Variants in RBBP6 observed in about 807,000 individuals in gnomAD.
RBBP6 encodes RB binding protein 6, ubiquitin ligase.
A neutral mutation model predicts 167.7 loss-of-function variants in RBBP6; 25 were observed. That is an observed-to-expected ratio of 0.15 (90% CI 0.11 to 0.21). The LOEUF is 0.21. Among genes scored for constraint, RBBP6 ranks in the 10% least tolerant of loss-of-function variants. RBBP6 has a pLI of 1.00. For synonymous variants in RBBP6, 789 were observed against 735.8 expected, an observed-to-expected ratio of 1.07 and a Z score of -1.17; for missense variants, 1,868 against 2,134.2, an observed-to-expected ratio of 0.88 and a Z score of 2.46.
chr16:24,546,896 G>T (rs1038413931), intron 2 of RBBP6, among the ~76,000 whole-genome samples: 2 of 152,196 alleles, frequency 1.3e-5, no homozygotes, highest in Non-Finnish European at 2.9e-5. Context: ...TCTGGCACAT[G>T]CTAAATGCAC....
chr16:24,565,640 C>T (rs1899177881), intron 14 of RBBP6, among the ~76,000 whole-genome samples: 1 of 152,098 alleles, frequency 6.6e-6, no homozygotes, highest in Non-Finnish European at 1.5e-5. Context: ...TAAGGTGGAA[C>T]AGTTTTTACC....
chr16:24,569,947 G>A lies in RBBP6; in HGVS notation c.3257G>A (p.Gly1086Glu). ...TCTCAGAAGGATGAAAAAATCACTG[G>A]AACCCCCAGAAAAGCTCACTCTAAA... Reference protein sequence around the residue: ...SSSQKDEKITGTPRKAHSKSA... With the variant: ...SSSQKDEKITETPRKAHSKSA... The change falls in exon 17 of 18, where the codon GGA (glycine) becomes GAA (glutamate). Residue 1086 changes from glycine (G) to glutamate (E), a missense_variant. Coordinates refer to ENST00000319715, the MANE Select transcript of RBBP6 (RefSeq NM_006910.5). The A allele has an allele frequency of 6.2e-7, 1 of 1,601,852 alleles. No individual in the cohort carries two copies. Among genetic ancestry groups the A allele is most frequent in the South Asian group, 1.1e-5 (1 of 88,042 alleles).
chr16:24,539,781 C>G lies in RBBP6; in HGVS notation c.-846C>G, dbSNP rs930169946. ...AAAGGCGAGCGAAGCGCGGAGGATC[C>G]GGCGAGAAGAAGCGTCAGGGAGCCT... On this transcript the variant is annotated 5_prime_UTR_variant, in exon 1 of 18. Coordinates refer to ENST00000319715, the MANE Select transcript of RBBP6 (RefSeq NM_006910.5). 6.6e-6 allele frequency: 1 copy of G among 152,242 alleles called. No individual in the cohort carries two copies. The highest frequency in any genetic ancestry group is 1.5e-5 in the Non-Finnish European group (1 of 68,060). 9.4% of individuals were successfully genotyped at this position (152,242 alleles called of 1,614,324 possible). A position where few individuals can be genotyped will look rare whatever the true frequency, so the allele number is the denominator to read the frequency against.
In RBBP6 at chr16:24,571,249, T is replaced by C. The variant is rs772157873; in HGVS notation, c.4183T>C (p.Ser1395Pro). Reference sequence around the variant, plus strand: ...ACATGAGGTTAAAAGTTCAAAAAACTCTGCATCTAGTGAAAAAGGGAAAAC... The same window carrying C: ...ACATGAGGTTAAAAGTTCAAAAAACCCTGCATCTAGTGAAAAAGGGAAAAC... ...IQHEVKSSKN[S>P]ASSEKGKTKD... is the part of the protein sequence containing the mutation. Residue 1395 changes from serine to proline, a missense_variant, in exon 18 of 18, where the codon TCT becomes CCT. Ser to Pro is a moderately conservative substitution (Grantham distance 74). Coordinates refer to ENST00000319715, the MANE Select transcript of RBBP6 (RefSeq NM_006910.5). 7 of 1,612,360 alleles carry C rather than the reference T, an allele frequency of 4.3e-6. No individual in the cohort carries two copies. Among genetic ancestry groups the C allele is most frequent in the Non-Finnish European group, 5.9e-6 (7 of 1,179,666 alleles).
chr16:24,563,668 A>C lies in RBBP6; in HGVS notation c.1520+4A>C. 6.2e-7 allele frequency: 1 copy of C among 1,609,856 alleles called. No homozygotes were observed. The highest frequency in any genetic ancestry group is 1.7e-4 in the Middle Eastern group (1 of 6,060). On this transcript the variant is annotated splice_donor_region_variant and intron_variant, in intron 13 of 17. Coordinates refer to ENST00000319715, the MANE Select transcript of RBBP6 (RefSeq NM_006910.5). Reference sequence around the variant, plus strand: ...GTGGTCGACCAGGCTGGGAACAGTGAGTAGATGTTTACAATAATCTTCAGA... The same window carrying C: ...GTGGTCGACCAGGCTGGGAACAGTGCGTAGATGTTTACAATAATCTTCAGA...
At chr16:24,570,538 GA>G in intron 17 of RBBP6, 39 bp downstream of exon 17, 1 of 1,483,892 alleles carries the variant, frequency 6.7e-7, no homozygotes, top group Non-Finnish European at 9.0e-7. Context: ...ACTTTGTTGG[GA>G]GAAGGATTTT....
intron 7 of RBBP6, among the ~76,000 whole-genome samples, chr16:24,559,156 G>T (rs72785713): frequency 6.6e-6 from 1 of 151,746 alleles, no homozygotes; most frequent in Non-Finnish European, 1.5e-5. Context: ...TGTGATTATG[G>T]TGTTGTCTAA....
At chr16:24,565,537 A>G (rs1256848403) in intron 14 of RBBP6, among the ~76,000 whole-genome samples, 1 of 152,214 alleles carries the variant, frequency 6.6e-6, no homozygotes, top group Non-Finnish European at 1.5e-5. Flanking sequence ...CAGTGGCATT[A>G]AGATTCTCAT....
intron 10 of RBBP6, 57 bp from the exon 11 acceptor site, chr16:24,563,142 C>T (rs1304023641): frequency 3.6e-6 from 5 of 1,406,072 alleles, no homozygotes; most frequent in South Asian, 1.3e-5. Context: ...AACTTTTTTA[C>T]TCTTAATTGT....
In RBBP6 at chr16:24,551,280, G is replaced by GT. The variant is rs1898789246; in HGVS notation, c.304-2232dup. Among the ~76,000 whole-genome samples the GT allele has an allele frequency of 3.9e-5, 6 of 151,954 alleles. No individual in the cohort carries two copies. In the South Asian group the frequency reaches 1.2e-3, roughly 31 times the overall value. On this transcript the variant is annotated intron_variant, in intron 3 of 17. Coordinates refer to ENST00000319715, the MANE Select transcript of RBBP6 (RefSeq NM_006910.5). The stretch of plus-strand genomic sequence containing the variant: ...TCTACGGTCTGCATCAGTCCGTTTT[G>GT]TGAGGACTTTAAGTGGCAGACTTTT...
intron 1 of RBBP6, among the ~76,000 whole-genome samples, chr16:24,545,378 C>A (rs1431342779): frequency 1.3e-5 from 2 of 152,138 alleles, no homozygotes; most frequent in South Asian, 2.1e-4. Context: ...GGCCAGTAGT[C>A]TTTTTTTCTT....
chr16:24,567,568 G>C, intron 15 of RBBP6, 63 bp downstream of exon 15: 1 of 1,501,114 alleles, frequency 6.7e-7, no homozygotes, highest in Middle Eastern at 1.8e-4. Context: ...ACATTAAATA[G>C]GTGTCTGGAA....
intron 1 of RBBP6, among the ~76,000 whole-genome samples, chr16:24,545,611 T>C (rs1020084486): frequency 2.0e-5 from 3 of 152,200 alleles, no homozygotes; most frequent in Non-Finnish European, 4.4e-5. Flanking sequence ...GGCTGGGTTC[T>C]CAGTCTTTAA....
intron 14 of RBBP6, among the ~76,000 whole-genome samples, chr16:24,565,458 C>A (rs926088893): frequency 8.5e-5 from 13 of 152,192 alleles, no homozygotes; most frequent in African/African-American, 3.1e-4. Context: ...AGGAACTGGG[C>A]AACACAGCAG....
Position 24,572,145 on chromosome 16 carries a change from C to A in RBBP6, c.5079C>A (p.His1693Gln), listed in dbSNP as rs747403665. The change falls in exon 18 of 18, where the codon CAC becomes CAA. Residue 1693 changes from histidine (H) to glutamine (Q), a missense_variant. Physicochemically the swap from His to Gln is conservative, Grantham distance 24. Coordinates refer to ENST00000319715, the MANE Select transcript of RBBP6 (RefSeq NM_006910.5). Reference protein sequence around the residue: ...VQVGISRNQSHSSPSVSPSRS... With the variant: ...VQVGISRNQSQSSPSVSPSRS... ...TGGGCATAAGCAGGAATCAGAGCCACAGCAGCCCCAGCGTCAGCCCCAGCA... is the reference window on the plus strand; with the variant it reads ...TGGGCATAAGCAGGAATCAGAGCCAAAGCAGCCCCAGCGTCAGCCCCAGCA... 6.2e-7 allele frequency: 1 copy of A among 1,614,060 alleles called. No homozygotes were observed.
chr16:24,563,370 C>CTT (rs550471421), intron 11 of RBBP6, 53 bp from the exon 12 acceptor site: 3,231 of 1,303,652 alleles, frequency 2.5e-3, no homozygotes, highest in African/African-American at 4.2e-3. Context: ...GTTCTTACCT[C>CTT]TTTTTTTTTT....
chr16:24,546,648 A>T (rs78790927), intron 2 of RBBP6, among the ~76,000 whole-genome samples: 271 of 152,290 alleles, frequency 1.8e-3, no homozygotes, highest in African/African-American at 6.1e-3. Context: ...CAGCATCAAG[A>T]GTATTCAGTA....
chr16:24,550,286 T>TA (rs2141460242), intron 3 of RBBP6, among the ~76,000 whole-genome samples: 1 of 151,862 alleles, frequency 6.6e-6, no homozygotes, highest in Non-Finnish European at 1.5e-5. Flanking sequence ...TGGAACTAAA[T>TA]ACAGTGATTC....
At chr16:24,544,438 C>A (rs1898585272) in intron 1 of RBBP6, among the ~76,000 whole-genome samples, 1 of 152,076 alleles carries the variant, frequency 6.6e-6, no homozygotes, top group Non-Finnish European at 1.5e-5. Flanking sequence ...CTTGCCTGAA[C>A]AATTTCATTT....
Sources: gnomAD v4.1 joint callset for allele counts (sites outside exome capture counted in the v4.1 genomes callset) on GRCh38, gnomAD v4.1.1 for gene constraint, MANE v1.5 for transcripts, NCBI Gene and HGNC (gene_info 2026-07-23, HGNC 2026-07-21) for gene names.